Variants in DLG5 observed in about 807,000 individuals in gnomAD.
DLG5 encodes the protein discs large MAGUK scaffold protein 5, also known as disks large homolog 5.
Under a neutral mutation model 189.8 loss-of-function variants are expected in DLG5, and 48 were observed. The observed-to-expected ratio is 0.25, with a 90% confidence interval of 0.20 to 0.32. The LOEUF is 0.32. Ranked by LOEUF, DLG5 falls within the 10% of genes least tolerant of loss-of-function variation. The probability of loss-of-function intolerance (pLI) is 1.00; values close to 1 mark genes in which losing one functional copy is unlikely to be tolerated. For synonymous variants in DLG5, 1,016 were observed against 1,054.1 expected (o/e 0.96, Z 0.70); for missense variants, 2,160 against 2,544.7 (o/e 0.85, Z 3.25).
chr10:77,917,006 G>A (rs1442537464), intron 1 of DLG5, among the ~76,000 whole-genome samples: 3 of 150,644 alleles, frequency 2.0e-5, no homozygotes, highest in Admixed American at 2.0e-4. Context: ...GCTTAGAGAA[G>A]TAAGCCAGTC....
At chr10:77,903,478 C>G (rs1415078998) in intron 1 of DLG5, among the ~76,000 whole-genome samples, 1 of 151,422 alleles carries the variant, frequency 6.6e-6, no homozygotes, top group Non-Finnish European at 1.5e-5. Context: ...ATTAGCCGGG[C>G]ATGGTGGTGG....
rs1170192317 is a variant in DLG5, at chr10:77,819,961, G to A, written c.3460C>T (p.Pro1154Ser). Reference sequence around the variant, plus strand: ...CGGCTGGAATGCCCAGGCGAGTAAGGTGCCCACTCCTGGAGCTCCGGGGAG... The same window carrying A: ...CGGCTGGAATGCCCAGGCGAGTAAGATGCCCACTCCTGGAGCTCCGGGGAG... Reference protein sequence around the residue: ...ELSPELQEWAPYSPGHSSRHS... With the variant: ...ELSPELQEWASYSPGHSSRHS... Residue 1154 changes from proline to serine, a missense_variant, in exon 16 of 32, where the codon CCT (proline) becomes TCT (serine). Transcript: ENST00000372391. The A allele has an allele frequency of 2.5e-6, 4 of 1,612,522 alleles. No homozygotes were observed. Among genetic ancestry groups the A allele is most frequent in the Non-Finnish European group, 3.4e-6 (4 of 1,179,518 alleles).
At position 77,830,279 on chromosome 10, in the gene DLG5, C is replaced by T. The variant is rs550335548; in HGVS notation, c.1947G>A (p.Pro649=). The change falls in exon 11 of 32, where the codon CCG becomes CCA. Residue 649 remains proline, a synonymous_variant. Transcript: ENST00000372391. ...MAEGVNEPCF[P]GDCGIFVTKV... ...TAGTGACAAATATGCCACAGTCCCC[C>T]GGGAAACAAGGCTCATTCACACCTT... The T allele has an allele frequency of 4.5e-5, 73 of 1,614,064 alleles. No homozygotes were observed. Among genetic ancestry groups the T allele is most frequent in the South Asian group, 2.2e-4 (20 of 91,084 alleles).
chr10:77,796,744 A>T lies in DLG5; in HGVS notation c.5165-150T>A. 1 of 979,098 alleles carries T rather than the reference A, an allele frequency of 1.0e-6. No homozygotes were observed. The highest frequency in any genetic ancestry group is 1.6e-5 in the South Asian group (1 of 63,018). 60.7% of individuals were successfully genotyped at this position (979,098 alleles called of 1,614,324 possible). ...CTGAAAATCTCGTGTCCCAGGCACA[A>T]CCGGGCATCGTCACCCCTGGAGTCC... On this transcript the variant is annotated intron_variant, in intron 27 of 31. Coordinates refer to ENST00000372391, the MANE Select transcript of DLG5 (RefSeq NM_004747.4). The surrounding 1 kb of genome is among the most constrained non-coding windows in gnomAD (Gnocchi z 5.2).
intron 2 of DLG5, among the ~76,000 whole-genome samples, chr10:77,862,882 A>T (rs1406972034): frequency 1.3e-5 from 2 of 152,190 alleles, no homozygotes; most frequent in African/African-American, 4.8e-5. Context: ...CTACAGGGAC[A>T]GAAAAGAGAT....
chr10:77,852,336 A>C (rs531501396), intron 5 of DLG5, among the ~76,000 whole-genome samples: 1 of 152,150 alleles, frequency 6.6e-6, no homozygotes, highest in South Asian at 2.1e-4. Flanking sequence ...ACACTACTGC[A>C]CTCCAGCCTG....
chr10:77,801,927 TAAATAA>T (rs1841226698), intron 27 of DLG5, among the ~76,000 whole-genome samples: 1 of 152,120 alleles, frequency 6.6e-6, no homozygotes, highest in Non-Finnish European at 1.5e-5. Context: ...GGGTGGGTCC[TAAATAA>T]AACCCCACGG....
intron 16 of DLG5, chr10:77,819,693 G>A (rs1589151618): frequency 9.4e-7 from 1 of 1,068,862 alleles, no homozygotes; most frequent in East Asian, 2.5e-5. Flanking sequence ...GGTTGCTATG[G>A]GGAGAAAGCA....
At chr10:77,863,066 A>G (rs759902553) in intron 2 of DLG5, among the ~76,000 whole-genome samples, 14 of 152,188 alleles carry the variant, frequency 9.2e-5, no homozygotes, top group Non-Finnish European at 2.1e-4. Flanking sequence ...TATGTAAATT[A>G]TATCTCAATG....
chr10:77,818,082 G>A (rs1210476199), intron 17 of DLG5, among the ~76,000 whole-genome samples, 193 bp from the exon 18 acceptor site: 2 of 152,138 alleles, frequency 1.3e-5, no homozygotes, highest in East Asian at 1.9e-4. Context: ...GAGCCTTCAG[G>A]AAGTAGAAAG....
At chr10:77,799,249 T>A (rs530075174) in intron 27 of DLG5, among the ~76,000 whole-genome samples, 31 of 152,332 alleles carry the variant, frequency 2.0e-4, no homozygotes, top group Admixed American at 1.9e-3. Flanking sequence ...CATACGGCAA[T>A]GGCTTTCTTT....
chr10:77,794,901 G>C lies in DLG5; in HGVS notation c.5494C>G (p.His1832Asp). The change falls in exon 30 of 32, where the codon CAC becomes GAC. Residue 1832 changes from histidine to aspartate, a missense_variant. Physicochemically the swap from His to Asp is moderately conservative, Grantham distance 81. Coordinates refer to ENST00000372391, the MANE Select transcript of DLG5 (RefSeq NM_004747.4). ...ATGAAGATGACAATGGGGTAGATGTGCATGTGGTGGAGCCGCTCAATAGCG... is the reference window on the plus strand; with the variant it reads ...ATGAAGATGACAATGGGGTAGATGTCCATGTGGTGGAGCCGCTCAATAGCG... ...PHAIERLHHM[H>D]IYPIVIFIHY... 1 of 1,614,062 alleles carries C rather than the reference G, an allele frequency of 6.2e-7. No individual in the cohort carries two copies. The highest frequency in any genetic ancestry group is 1.1e-5 in the South Asian group (1 of 91,082).
chr10:77,844,494 C>T (rs927500813), intron 5 of DLG5, among the ~76,000 whole-genome samples: 2 of 152,136 alleles, frequency 1.3e-5, no homozygotes, highest in Non-Finnish European at 2.9e-5. Flanking sequence ...TTATGTAAAT[C>T]GGACCTAAAG....
intron 16 of DLG5, 96 bp downstream of exon 16, chr10:77,819,799 G>A (rs894869604): frequency 1.8e-5 from 27 of 1,488,324 alleles, no homozygotes; most frequent in Non-Finnish European, 2.1e-5. Context: ...GAAAACACAT[G>A]GCAGCTCTCT....
chr10:77,824,533 G>T, intron 13 of DLG5, 57 bp from the exon 14 acceptor site: 2 of 1,400,366 alleles, frequency 1.4e-6, no homozygotes, highest in Non-Finnish European at 2.0e-6. Context: ...AGGCCTACCA[G>T]TCAGGATCTC....
At chr10:77,883,246 A>C (rs997055293) in intron 1 of DLG5, among the ~76,000 whole-genome samples, 1 of 152,190 alleles carries the variant, frequency 6.6e-6, no homozygotes, top group African/African-American at 2.4e-5. Flanking sequence ...ACTACTGGTC[A>C]TGGGGTACGG....
intron 18 of DLG5, among the ~76,000 whole-genome samples, chr10:77,817,551 T>C (rs1316833632): frequency 6.6e-6 from 1 of 152,176 alleles, no homozygotes; most frequent in Admixed American, 6.5e-5. Context: ...TGAATGACCA[T>C]AAGGCCCCCA....
chr10:77,853,522 C>A lies in DLG5; in HGVS notation c.696G>T (p.Arg232=). Residue 232 remains arginine (R), a synonymous_variant, in exon 5 of 32, where the codon CGG becomes CGT. Transcript: ENST00000372391. ...TCAGCCGAGTCTGGTCACTCAGGAG[C>A]CGGCTGTGGAGTGTGCTGAAACACC... The part of the protein sequence containing the change: ...ETDFYHTLHS[R]LLSDQTRLKD... 6.2e-7 allele frequency: 1 copy of A among 1,605,396 alleles called. No homozygotes were observed. The highest frequency in any genetic ancestry group is 8.5e-7 in the Non-Finnish European group (1 of 1,176,358).
intron 23 of DLG5, among the ~76,000 whole-genome samples, chr10:77,810,213 G>A (rs995801512): frequency 1.2e-4 from 19 of 152,230 alleles, no homozygotes; most frequent in African/African-American, 4.6e-4. Flanking sequence ...TACAATCAAG[G>A]AAGGGAAGCT....
Sources: gnomAD v4.1 joint callset for allele counts (sites outside exome capture counted in the v4.1 genomes callset) on GRCh38, gnomAD v4.1.1 for gene constraint, Gnocchi (gnomAD v3.1) non-coding constraint, MANE v1.5 for transcripts, NCBI Gene and HGNC (gene_info 2026-07-23, HGNC 2026-07-21) for gene names.